The following ACTR1B variants were observed in gnomAD, a reference collection of about 807,000 sequenced individuals.
ACTR1B encodes the protein actin related protein 1B, also known as beta-centractin.
ACTR1B carries 34 observed loss-of-function variants against 49.4 expected under a neutral mutation model. That is an observed-to-expected ratio of 0.69 (90% CI 0.52 to 0.92). The LOEUF is 0.92. Ranked by LOEUF, ACTR1B falls within the 40% of genes least tolerant of loss-of-function variation. The pLI is 0.00. For synonymous variants in ACTR1B, 207 were observed against 207.8 expected (o/e 1.00, Z 0.03); for missense variants, 471 against 522.4 (o/e 0.90, Z 0.96).
chr2:97,660,730 GC>G, intron 2 of ACTR1B, 84 bp from the exon 3 acceptor site: 2 of 1,360,630 alleles, frequency 1.5e-6, no homozygotes, highest in Non-Finnish European at 1.0e-6. Flanking sequence ...AACCATAGTC[GC>G]CCAGAGGGTA....
At chr2:97,662,105 G>A (rs929027782) in intron 1 of ACTR1B, among the ~76,000 whole-genome samples, 159 bp from the exon 2 acceptor site, 1 of 152,142 alleles carries the variant, frequency 6.6e-6, no homozygotes, top group Non-Finnish European at 1.5e-5. Flanking sequence ...CAAGATTGGG[G>A]GCAATTTTGT....
rs1291030377 is a variant in ACTR1B, at chr2:97,659,675, G to A, written c.190-198C>T. 7 of 694,438 alleles carry A rather than the reference G, an allele frequency of 1.0e-5. No individual in the cohort carries two copies. Among genetic ancestry groups the A allele is most frequent in the Non-Finnish European group, 1.7e-5 (7 of 422,960 alleles). The allele number at this position is 694,438 out of a possible 1,614,324, so 43.0% of individuals were successfully genotyped here. A position where few individuals can be genotyped will look rare whatever the true frequency, so the allele number is the denominator to read the frequency against. The stretch of plus-strand genomic sequence containing the variant: ...GCTCACCTGCCCACCAGCTTCTTAG[G>A]CTCTTAGAGCCCAGCTAGCTTCAGC... On this transcript the variant is annotated intron_variant, in intron 3 of 10. Transcript: ENST00000289228. This position sits in a 1 kb window ranked among gnomAD's most constrained non-coding sequence, Gnocchi z 4.0.
At position 97,663,924 on chromosome 2, in the gene ACTR1B, G is replaced by A; in HGVS notation, c.-34C>T. ...CGCGCCGGCCCTGCCCAGCAGGCGG[G>A]CTGCAGGAGGCACCGGATGGGCGGG... On this transcript the variant is annotated 5_prime_UTR_variant, in exon 1 of 11. Coordinates refer to ENST00000289228, the MANE Select transcript of ACTR1B (RefSeq NM_005735.4). The A allele has an allele frequency of 8.0e-7, 1 of 1,247,142 alleles. No homozygotes were observed. Among genetic ancestry groups the A allele is most frequent in the Admixed American group, 3.7e-5 (1 of 26,946 alleles). The allele number at this position is 1,247,142 out of a possible 1,614,324, so 77.3% of individuals were successfully genotyped here. A position where few individuals can be genotyped will look rare whatever the true frequency, so the allele number is the denominator to read the frequency against.
chr2:97,662,404 C>CTT (rs545069324), intron 1 of ACTR1B, among the ~76,000 whole-genome samples: 9 of 141,362 alleles, frequency 6.4e-5, no homozygotes, highest in East Asian at 2.1e-4. Flanking sequence ...CTGTGTGGGT[C>CTT]TTTTTTTTTT....
At position 97,659,693 on chromosome 2, in the gene ACTR1B, G is replaced by A. The variant is rs1674960749; in HGVS notation, c.190-216C>T. On this transcript the variant is annotated intron_variant, in intron 3 of 10. Transcript: ENST00000289228. The surrounding 1 kb of genome is among the most constrained non-coding windows in gnomAD (Gnocchi z 4.0). ...TTCTTAGGCTCTTAGAGCCCAGCTA[G>A]CTTCAGCTGGGGGGATCAGAGAGGG... 1.6e-6 allele frequency: 1 copy of A among 627,678 alleles called. No individual in the cohort carries two copies. 38.9% of individuals were successfully genotyped at this position (627,678 alleles called of 1,614,324 possible). A position where few individuals can be genotyped will look rare whatever the true frequency, so the allele number is the denominator to read the frequency against.
chr2:97,657,044 A>G (rs1445490689), intron 10 of ACTR1B, 84 bp from the exon 11 acceptor site: 2 of 1,577,668 alleles, frequency 1.3e-6, no homozygotes, highest in Non-Finnish European at 8.7e-7. Context: ...CATTTCCCTA[A>G]TTTGGGAGGG....
Position 97,658,509 on chromosome 2 carries a change from C to T in ACTR1B, c.575G>A (p.Arg192His), listed in dbSNP as rs573455467. ...CTTGCGCAGCAGGAGTCGGAGGTAG[C>T]GGGAGACGTCGCGGCCGGCAATGTC... is the stretch of plus-strand genomic sequence containing the variant. ...RVDIAGRDVSRYLRLLLRKEG... is the reference protein window; with the variant it reads ...RVDIAGRDVSHYLRLLLRKEG... The change falls in exon 6 of 11, where the codon CGC becomes CAC. Residue 192 changes from arginine to histidine, a missense_variant. Transcript: ENST00000289228. This position sits in a 1 kb window ranked among gnomAD's most constrained non-coding sequence, Gnocchi z 5.9. 7 of 1,614,072 alleles carry T rather than the reference C, an allele frequency of 4.3e-6. No individual in the cohort carries two copies. The African/African-American group carries it at 5.3e-5, about 12-fold the overall frequency.
At chr2:97,661,480 C>CTAA (rs1222265211) in intron 2 of ACTR1B, among the ~76,000 whole-genome samples, 1 of 152,212 alleles carries the variant, frequency 6.6e-6, no homozygotes, top group Non-Finnish European at 1.5e-5. Context: ...AAGACATTTT[C>CTAA]TAGAGTCTGA....
At chr2:97,663,807 G>C in intron 1 of ACTR1B, 36 bp downstream of exon 1, 3 of 1,341,756 alleles carry the variant, frequency 2.2e-6, no homozygotes, top group Non-Finnish European at 2.9e-6. Context: ...CCCCGGGGGC[G>C]GGGCGCCCGC....
At chr2:97,657,406 G>A in intron 9 of ACTR1B, 42 bp downstream of exon 9, 2 of 1,607,410 alleles carry the variant, frequency 1.2e-6, no homozygotes, top group African/African-American at 1.3e-5. Flanking sequence ...TGCCAAGGCT[G>A]CCAGCGCCCT....
At chr2:97,663,122 A>C (rs1385873187) in intron 1 of ACTR1B, among the ~76,000 whole-genome samples, 2 of 152,186 alleles carry the variant, frequency 1.3e-5, no homozygotes, top group Non-Finnish European at 2.9e-5. Flanking sequence ...GAAGCCAGAA[A>C]TCTTCCTAAG....
intron 2 of ACTR1B, among the ~76,000 whole-genome samples, chr2:97,661,652 C>G (rs1474834956): frequency 6.6e-6 from 1 of 152,188 alleles, no homozygotes; most frequent in Non-Finnish European, 1.5e-5. Flanking sequence ...GTTGCTTTTC[C>G]TCCTTGCTGG....
intron 1 of ACTR1B, among the ~76,000 whole-genome samples, chr2:97,663,330 T>C (rs1675077136): frequency 6.6e-6 from 1 of 152,204 alleles, no homozygotes; most frequent in African/African-American, 2.4e-5. Flanking sequence ...AAAGTCAAAG[T>C]AGCCAAAAGG....
At chr2:97,661,648 T>C (rs926762927) in intron 2 of ACTR1B, among the ~76,000 whole-genome samples, 2 of 152,194 alleles carry the variant, frequency 1.3e-5, no homozygotes, top group South Asian at 4.1e-4. Flanking sequence ...GCTGGTTGCT[T>C]TTCCTCCTTG....
rs1056241543 is a variant in ACTR1B, at chr2:97,659,848, G to A, written c.190-371C>T. Reference sequence around the variant, plus strand: ...CCGGCACCTTGCAGCCGCCCAACACGGCCCCTCCTGGGCCACCTGTGCCCC... The same window carrying A: ...CCGGCACCTTGCAGCCGCCCAACACAGCCCCTCCTGGGCCACCTGTGCCCC... On this transcript the variant is annotated intron_variant, in intron 3 of 10. Transcript: ENST00000289228. This position sits in a 1 kb window ranked among gnomAD's most constrained non-coding sequence, Gnocchi z 4.0. 8 of 312,858 alleles carry A rather than the reference G, an allele frequency of 2.6e-5. No individual in the cohort carries two copies. The highest frequency in any genetic ancestry group is 1.8e-4 in the Admixed American group (4 of 21,964). The allele number at this position is 312,858 out of a possible 1,614,324, so 19.4% of individuals were successfully genotyped here. A position where few individuals can be genotyped will look rare whatever the true frequency, so the allele number is the denominator to read the frequency against.
intron 2 of ACTR1B, among the ~76,000 whole-genome samples, chr2:97,660,858 G>A (rs1458427992): frequency 1.3e-5 from 2 of 152,174 alleles, no homozygotes; most frequent in African/African-American, 2.4e-5. Flanking sequence ...CAGAAGGCAC[G>A]GTCAGCAGAG....
At position 97,658,214 on chromosome 2, in the gene ACTR1B, G is replaced by A. The variant is rs754795306; in HGVS notation, c.750+10C>T. On this transcript the variant is annotated intron_variant, in intron 7 of 10. Coordinates refer to ENST00000289228, the MANE Select transcript of ACTR1B (RefSeq NM_005735.4). The surrounding 1 kb of genome is among the most constrained non-coding windows in gnomAD (Gnocchi z 5.9). ...CGGCTGCCACTCCAGTGCCAGGCCCGGCCACTTACATCAAGCGTGCTGCCG... is the reference window on the plus strand; with the variant it reads ...CGGCTGCCACTCCAGTGCCAGGCCCAGCCACTTACATCAAGCGTGCTGCCG... The A allele has an allele frequency of 3.7e-6, 6 of 1,613,828 alleles. No homozygotes were observed. The highest frequency in any genetic ancestry group is 1.1e-5 in the South Asian group (1 of 91,078).
At chr2:97,661,801 C>T in intron 2 of ACTR1B, 81 bp downstream of exon 2, 2 of 1,433,668 alleles carry the variant, frequency 1.4e-6, no homozygotes, top group South Asian at 1.2e-5. Flanking sequence ...AAATTGTCTT[C>T]AAAGAGCCCT....
intron 1 of ACTR1B, among the ~76,000 whole-genome samples, chr2:97,663,221 AC>A (rs1675072946): frequency 1.3e-5 from 2 of 151,962 alleles, no homozygotes; most frequent in African/African-American, 4.8e-5. Flanking sequence ...CCAAACGATC[AC>A]CCCAAATTGC....
Sources: gnomAD v4.1 joint callset for allele counts (sites outside exome capture counted in the v4.1 genomes callset) on GRCh38, gnomAD v4.1.1 for gene constraint, Gnocchi (gnomAD v3.1) non-coding constraint, MANE v1.5 for transcripts, NCBI Gene and HGNC (gene_info 2026-07-23, HGNC 2026-07-21) for gene names.